SNUPN: variants seen among roughly 807,000 people sequenced by gnomAD.
SNUPN encodes snurportin 1.
A neutral mutation model predicts 39.2 loss-of-function variants in SNUPN; 31 were observed. That is an observed-to-expected ratio of 0.79 (90% CI 0.59 to 1.07). The LOEUF (loss-of-function observed/expected upper bound fraction) is 1.07, where lower values mean the gene tolerates loss of function less well. SNUPN is among the 50% of genes least tolerant of loss of function. The pLI, the probability that SNUPN is intolerant of heterozygous loss-of-function variation, is 0.00. For synonymous variants in SNUPN, 132 were observed against 159.0 expected, an observed-to-expected ratio of 0.83 and a Z score of 1.28; for missense variants, 382 against 434.2, an observed-to-expected ratio of 0.88 and a Z score of 1.07.
intron 2 of SNUPN, among the ~76,000 whole-genome samples, chr15:75,620,252 A>T (rs1461908401): frequency 1.3e-5 from 2 of 152,164 alleles, no homozygotes; most frequent in African/African-American, 4.8e-5. Context: ...AGCTGTTAGT[A>T]GTTTCTTCTG....
At chr15:75,620,772 G>A in intron 2 of SNUPN, 122 bp downstream of exon 2, 1 of 845,014 alleles carries the variant, frequency 1.2e-6, no homozygotes. Flanking sequence ...CTGTGGGCAA[G>A]AAGATCAGCC....
At chr15:75,623,022 C>T (rs1394406263) in intron 1 of SNUPN, among the ~76,000 whole-genome samples, 1 of 152,164 alleles carries the variant, frequency 6.6e-6, no homozygotes, top group Non-Finnish European at 1.5e-5. Context: ...TGAAATTCAT[C>T]ATCTTAACCA....
intron 3 of SNUPN, among the ~76,000 whole-genome samples, chr15:75,612,532 T>A (rs534538246): frequency 1.3e-5 from 2 of 152,252 alleles, no homozygotes; most frequent in African/African-American, 4.8e-5. Flanking sequence ...TTCTCTTAGA[T>A]GCTGTTCCCA....
intron 3 of SNUPN, among the ~76,000 whole-genome samples, chr15:75,615,331 C>T (rs1892895014): frequency 6.6e-6 from 1 of 151,738 alleles, no homozygotes; most frequent in Non-Finnish European, 1.5e-5. Flanking sequence ...AGGCCCTTTA[C>T]ATCTCTTCTG....
Position 75,603,289 on chromosome 15 carries a change from C to T in SNUPN, c.678+1861G>A, listed in dbSNP as rs558972253. Among the ~76,000 whole-genome samples, 8 of 148,136 alleles carry T rather than the reference C, an allele frequency of 5.4e-5. No individual in the cohort carries two copies. In the South Asian group the frequency reaches 6.5e-4, roughly 12 times the overall value. ...GTCTCGATCTCCTGACCTCGTGATT[C>T]GCCTGTCTCGGCCTCCCAAAGTGCT... On this transcript the variant is annotated intron_variant, in intron 7 of 8. Coordinates refer to ENST00000308588, the MANE Select transcript of SNUPN (RefSeq NM_005701.4).
Position 75,624,496 on chromosome 15 carries a change from T to TA in SNUPN, c.-6+1169dup, listed in dbSNP as rs59069672. Among the ~76,000 whole-genome samples the TA allele has an allele frequency of 3.6e-3, 447 of 123,852 alleles. 7 individuals are homozygous for TA. The East Asian group carries it at 0.069, about 19-fold the overall frequency. 81.3% of individuals were successfully genotyped at this position (123,852 alleles called of 152,430 possible). On this transcript the variant is annotated intron_variant, in intron 1 of 8. Coordinates refer to ENST00000308588, the MANE Select transcript of SNUPN (RefSeq NM_005701.4). ...TAACACAGTGAAACCCCGTCTCTACTAAAAAAAAAAAAAAAAATACAAAAA... is the reference window on the plus strand; with the variant it reads ...TAACACAGTGAAACCCCGTCTCTACTAAAAAAAAAAAAAAAAAATACAAAAA...
rs370486026 is a variant in SNUPN, at chr15:75,598,470, A to T, written c.971T>A (p.Leu324His). ...KSQKEGMKEK[L>H]THKASENGHY... ...CCCATTCTCAGAGGCCTTGTGTGTG[A>T]GTTTCTCCTTCATGCCTTCCTTCTG... The change falls in exon 9 of 9, where the codon CTC becomes CAC. Residue 324 changes from leucine to histidine, a missense_variant. Coordinates refer to ENST00000308588, the MANE Select transcript of SNUPN (RefSeq NM_005701.4). 3.8e-5 allele frequency: 62 copies of T among 1,613,992 alleles called. 2 individuals are homozygous for T. The highest frequency in any genetic ancestry group is 2.5e-4 in the Admixed American group (15 of 59,990).
chr15:75,609,137 C>CA (rs375984400), intron 5 of SNUPN, among the ~76,000 whole-genome samples: 19,309 of 67,910 alleles, frequency 0.28, 1,991 homozygotes, highest in Non-Finnish European at 0.37. Context: ...TCTCAAAAAA[C>CA]AAAAAAAAAA....
chr15:75,617,604 T>A, intron 2 of SNUPN, 52 bp from the exon 3 acceptor site: 1 of 1,549,324 alleles, frequency 6.5e-7, no homozygotes, highest in Non-Finnish European at 8.7e-7. Context: ...TTTTTTTTTT[T>A]TAGACAGGGT....
intron 7 of SNUPN, among the ~76,000 whole-genome samples, chr15:75,601,530 A>G (rs937505533): frequency 7.9e-5 from 12 of 152,134 alleles, no homozygotes; most frequent in Admixed American, 2.0e-4. Context: ...AGCCATGATC[A>G]TGCCACTGCA....
intron 3 of SNUPN, among the ~76,000 whole-genome samples, chr15:75,615,660 G>A (rs1437050188): frequency 1.5e-5 from 2 of 135,452 alleles, no homozygotes; most frequent in Admixed American, 8.5e-5. Flanking sequence ...GGAGTGCAGT[G>A]GTGTGATCTC....
At chr15:75,612,049 T>TTA (rs1307935735) in intron 3 of SNUPN, among the ~76,000 whole-genome samples, 3 of 151,092 alleles carry the variant, frequency 2.0e-5, no homozygotes, top group Non-Finnish European at 3.0e-5. Flanking sequence ...TTTTTTTTTT[T>TTA]TGAACTGGAG....
At chr15:75,624,488 G>T (rs1893164408) in intron 1 of SNUPN, among the ~76,000 whole-genome samples, 2 of 111,324 alleles carry the variant, frequency 1.8e-5, no homozygotes, top group Non-Finnish European at 3.5e-5. Context: ...GTGAAACCCC[G>T]TCTCTACTAA....
At chr15:75,608,199 T>C (rs1043747790) in intron 5 of SNUPN, among the ~76,000 whole-genome samples, 45 of 152,044 alleles carry the variant, frequency 3.0e-4, no homozygotes, top group African/African-American at 9.9e-4. Context: ...CTGGGCAACA[T>C]GGCAAAACCC....
chr15:75,621,262 CTTTT>C (rs67400161), intron 1 of SNUPN, among the ~76,000 whole-genome samples: 2 of 137,622 alleles, frequency 1.5e-5, no homozygotes. Flanking sequence ...CAGATATTTC[CTTTT>C]TTTTTTTTTT....
chr15:75,607,233 G>A lies in SNUPN; in HGVS notation c.583C>T (p.Pro195Ser), dbSNP rs768151736. ...VLDVMCWRGH[P>S]FYDCQTDFRF... is the part of the protein sequence containing the mutation. ...ATCCCTACCTGGCAATCATAAAAAG[G>A]GTGTCCCCGCCAGCACATCACATCC... The change falls in exon 6 of 9, where the codon CCT becomes TCT. Residue 195 changes from proline (P) to serine (S), a missense_variant. By Grantham distance (74) the Pro-to-Ser change is moderately conservative (BLOSUM62 -1). Transcript: ENST00000308588. The A allele has an allele frequency of 2.0e-5, 33 of 1,612,924 alleles. No homozygotes were observed. In the South Asian group the frequency reaches 3.6e-4, roughly 18 times the overall value.
At chr15:75,604,157 C>CTTTTTTTT (rs34924144) in intron 7 of SNUPN, among the ~76,000 whole-genome samples, 2 of 114,940 alleles carry the variant, frequency 1.7e-5, no homozygotes, top group Non-Finnish European at 3.4e-5. Context: ...TTCCCTTTAA[C>CTTTTTTTT]TTTTTTTTTT....
intron 2 of SNUPN, among the ~76,000 whole-genome samples, chr15:75,619,745 TTTTA>T (rs754886555): frequency 2.6e-5 from 4 of 151,744 alleles, no homozygotes; most frequent in South Asian, 2.1e-4. Context: ...CTTCTATTTA[TTTTA>T]TTTATTTATT....
upstream of SNUPN, chr15:75,626,223 A>G (rs1893224953): frequency 6.6e-6 from 1 of 152,248 alleles, no homozygotes; most frequent in Non-Finnish European, 1.5e-5. Flanking sequence ...TGCCCTTAAC[A>G]AAAGCAGATA....
Sources: allele counts gnomAD v4.1 joint callset (sites outside exome capture counted in the v4.1 genomes callset), GRCh38; gene constraint gnomAD v4.1.1; transcripts MANE v1.5; gene names NCBI Gene and HGNC (gene_info 2026-07-23, HGNC 2026-07-21).